Variants in STK17A observed in about 807,000 individuals in gnomAD.
STK17A encodes serine/threonine kinase 17a, also known as serine/threonine-protein kinase 17A.
STK17A carries 26 observed loss-of-function variants against 43.7 expected under a neutral mutation model. The observed-to-expected ratio is 0.60, with a 90% CI of 0.44 to 0.83. The LOEUF (loss-of-function observed/expected upper bound fraction) is 0.83, where lower values mean the gene tolerates loss of function less well. STK17A is among the 40% of genes least tolerant of loss of function. STK17A has a pLI of 0.00. For synonymous variants in STK17A, 191 were observed against 182.5 expected (o/e 1.05, Z -0.38); for missense variants, 476 against 511.6 (o/e 0.93, Z 0.67).
intron 3 of STK17A, among the ~76,000 whole-genome samples, chr7:43,614,366 A>C (rs531809786): frequency 5.3e-5 from 8 of 152,300 alleles, no homozygotes; most frequent in Non-Finnish European, 1.2e-4. Context: ...CATATATTTT[A>C]AATAGAACTA....
intron 2 of STK17A, among the ~76,000 whole-genome samples, chr7:43,597,743 G>C (rs1425633023): frequency 2.6e-5 from 4 of 151,932 alleles, no homozygotes; most frequent in African/African-American, 9.7e-5. Context: ...GACCACCCTG[G>C]GCAACATAGC....
intron 2 of STK17A, among the ~76,000 whole-genome samples, chr7:43,602,732 C>T (rs920906479): frequency 6.6e-6 from 1 of 151,362 alleles, no homozygotes; most frequent in Non-Finnish European, 1.5e-5. Context: ...TATACATTTA[C>T]CCTGGATAAC....
At chr7:43,602,367 A>G (rs1167879604) in intron 2 of STK17A, among the ~76,000 whole-genome samples, 1 of 152,170 alleles carries the variant, frequency 6.6e-6, no homozygotes, top group African/African-American at 2.4e-5. Context: ...CTGGATTTAT[A>G]GCATTCCTCA....
At position 43,583,428 on chromosome 7, in the gene STK17A, G is replaced by T. The variant is rs773216966; in HGVS notation, c.185G>T (p.Cys62Phe). 5.8e-5 allele frequency: 80 copies of T among 1,380,814 alleles called. No individual in the cohort carries two copies. Among genetic ancestry groups the T allele is most frequent in the Non-Finnish European group, 2.1e-5 (22 of 1,067,826 alleles). The allele number at this position is 1,380,814 out of a possible 1,614,324, so 85.5% of individuals were successfully genotyped here. A position where few individuals can be genotyped will look rare whatever the true frequency, so the allele number is the denominator to read the frequency against. The change falls in exon 1 of 7, where the codon TGC becomes TTC. Residue 62 changes from cysteine (C) to phenylalanine (F), a missense_variant. Coordinates refer to ENST00000319357, the MANE Select transcript of STK17A (RefSeq NM_004760.3). ...TEPFQDGYSL[C>F]PGRELGRGKF... is the part of the protein sequence containing the mutation. ...CCCTTCCAGGACGGCTACAGCCTGT[G>T]CCCGGGCCGGGAGCTGGGCAGGTGA...
intron 4 of STK17A, 194 bp from the exon 5 acceptor site, chr7:43,623,378 G>A (rs2084126278): frequency 1.8e-6 from 1 of 560,524 alleles, no homozygotes; most frequent in Non-Finnish European, 3.1e-6. Context: ...GTAGAAGTGT[G>A]AAAAGTAAAC....
chr7:43,588,131 C>T (rs1464761126), intron 1 of STK17A, among the ~76,000 whole-genome samples: 1 of 151,434 alleles, frequency 6.6e-6, no homozygotes, highest in Non-Finnish European at 1.5e-5. Context: ...CTTAATAGCT[C>T]ACCTCCAGAA....
intron 2 of STK17A, among the ~76,000 whole-genome samples, chr7:43,605,490 T>G (rs935781754): frequency 2.0e-5 from 3 of 152,190 alleles, no homozygotes; most frequent in Non-Finnish European, 4.4e-5. Flanking sequence ...ACTGGGAATT[T>G]CTCAGCCTTA....
Position 43,583,458 on chromosome 7 carries a change from G to A in STK17A, c.206+9G>A. 2 of 1,310,286 alleles carry A rather than the reference G, an allele frequency of 1.5e-6. No homozygotes were observed. The highest frequency in any genetic ancestry group is 9.7e-7 in the Non-Finnish European group (1 of 1,031,548). The allele number at this position is 1,310,286 out of a possible 1,614,324, so 81.2% of individuals were successfully genotyped here. ...GGCCGGGAGCTGGGCAGGTGAGGAC[G>A]GGCGGGGCCCGGCGCGGAACCTTCC... On this transcript the variant is annotated intron_variant, in intron 1 of 6. Transcript: ENST00000319357.
intron 4 of STK17A, among the ~76,000 whole-genome samples, chr7:43,621,932 T>A (rs2083935268): frequency 6.6e-6 from 1 of 152,218 alleles, no homozygotes; most frequent in Non-Finnish European, 1.5e-5. Context: ...GAAACTGGTG[T>A]GAGTTCTGGC....
intron 3 of STK17A, among the ~76,000 whole-genome samples, chr7:43,610,295 C>T (rs28498524): frequency 0.018 from 2,474 of 136,190 alleles, 42 homozygotes; most frequent in Non-Finnish European, 0.025. Flanking sequence ...TGCAGTGAGC[C>T]GAGATCGTGC....
intron 4 of STK17A, 111 bp from the exon 5 acceptor site, chr7:43,623,461 C>A: frequency 1.2e-6 from 1 of 823,684 alleles, no homozygotes; most frequent in Non-Finnish European, 2.0e-6. Context: ...CATTTTAGCC[C>A]AAACGTTGGA....
intron 1 of STK17A, among the ~76,000 whole-genome samples, chr7:43,583,982 G>C (rs1303572482): frequency 6.6e-6 from 1 of 152,116 alleles, no homozygotes; most frequent in African/African-American, 2.4e-5. Flanking sequence ...TTGGTTTTCT[G>C]CCGTTTTAGT....
chr7:43,623,671 T>C (rs746153794), intron 5 of STK17A, 38 bp from the exon 6 acceptor site: 3 of 1,603,330 alleles, frequency 1.9e-6, no homozygotes, highest in Non-Finnish European at 2.6e-6. Context: ...GAAATGAGTA[T>C]GGTACTAAAT....
At chr7:43,590,603 G>A (rs2082473513) in intron 1 of STK17A, among the ~76,000 whole-genome samples, 1 of 151,412 alleles carries the variant, frequency 6.6e-6, no homozygotes. Flanking sequence ...AGATGTTTTT[G>A]AAATGAAAAA....
At chr7:43,585,233 T>C (rs2082430433) in intron 1 of STK17A, among the ~76,000 whole-genome samples, 1 of 152,178 alleles carries the variant, frequency 6.6e-6, no homozygotes, top group Middle Eastern at 3.4e-3. Flanking sequence ...TTCCATTATT[T>C]GGTTGTCTGG....
intron 6 of STK17A, 55 bp downstream of exon 6, chr7:43,623,943 A>G: frequency 8.0e-7 from 1 of 1,247,690 alleles, no homozygotes; most frequent in Non-Finnish European, 1.0e-6. Flanking sequence ...TAAAAAATTC[A>G]GTATTAAAAA....
intron 2 of STK17A, among the ~76,000 whole-genome samples, chr7:43,606,276 G>A (rs2082587853): frequency 6.6e-6 from 1 of 152,108 alleles, no homozygotes; most frequent in African/African-American, 2.4e-5. Context: ...TCCAAACTGG[G>A]CCTCAGAGCA....
In STK17A at chr7:43,625,912, G is replaced by A. The variant is rs2084477077; in HGVS notation, c.*1070G>A. On this transcript the variant is annotated 3_prime_UTR_variant, in exon 7 of 7. Coordinates refer to ENST00000319357, the MANE Select transcript of STK17A (RefSeq NM_004760.3). ...ATAAAAAATTTACATTGGATACTCTGTAAGTAGGAGGTACTTTGTCCCAAA... is the reference window on the plus strand; with the variant it reads ...ATAAAAAATTTACATTGGATACTCTATAAGTAGGAGGTACTTTGTCCCAAA... 1.3e-5 allele frequency: 2 copies of A among 152,148 alleles called. No individual in the cohort carries two copies. Among genetic ancestry groups the A allele is most frequent in the East Asian group, 3.8e-4 (2 of 5,202 alleles). The allele number at this position is 152,148 out of a possible 1,614,324, so 9.4% of individuals were successfully genotyped here.
intron 1 of STK17A, among the ~76,000 whole-genome samples, chr7:43,590,402 G>A (rs529120021): frequency 6.6e-6 from 1 of 151,430 alleles, no homozygotes; most frequent in Non-Finnish European, 1.5e-5. Context: ...AAAGGACTTA[G>A]GGAGCTCGGA....
Sources: allele counts gnomAD v4.1 joint callset (sites outside exome capture counted in the v4.1 genomes callset), GRCh38; gene constraint gnomAD v4.1.1; transcripts MANE v1.5; gene names NCBI Gene and HGNC (gene_info 2026-07-23, HGNC 2026-07-21).